Variants in PDE4D observed in about 807,000 individuals in gnomAD.
PDE4D encodes phosphodiesterase 4D.
In PDE4D, 24 loss-of-function variants were observed where a neutral mutation model predicts 87.4. The observed-to-expected ratio is 0.27, with a 90% CI of 0.20 to 0.39. The LOEUF is 0.39. PDE4D is among the 10% of genes least tolerant of loss of function. The probability of loss-of-function intolerance (pLI) is 1.00; values close to 1 mark genes in which losing one functional copy is unlikely to be tolerated. For missense variants in PDE4D, 714 were observed against 1,041.0 expected (o/e 0.69, Z 4.32); for synonymous variants, 384 against 383.2 (o/e 1.00, Z -0.02).
chr5:60,445,688 T>C (rs1401504340), intron 1 of PDE4D, among the ~76,000 whole-genome samples: 1 of 152,108 alleles, frequency 6.6e-6, no homozygotes, highest in Non-Finnish European at 1.5e-5. Context: ...AAAGTTCCAG[T>C]TATGTAAAAT....
intron 5 of PDE4D, among the ~76,000 whole-genome samples, chr5:59,143,487 G>A (rs1203954430): frequency 1.3e-5 from 2 of 152,192 alleles, no homozygotes; most frequent in African/African-American, 2.4e-5. Context: ...ACCGCTTACT[G>A]TGCATGTCCT....
chr5:60,050,943 G>A (rs1343589099), intron 2 of PDE4D, among the ~76,000 whole-genome samples: 4 of 152,076 alleles, frequency 2.6e-5, no homozygotes, highest in Non-Finnish European at 5.9e-5. Context: ...AGACAAAGAA[G>A]GGCATTACAT....
intron 1 of PDE4D, among the ~76,000 whole-genome samples, chr5:59,406,395 T>TTCCCC (rs1791654270): frequency 1.8e-4 from 6 of 33,228 alleles, no homozygotes; most frequent in African/African-American, 2.5e-4. Flanking sequence ...TATCTTTCCT[T>TTCCCC]CCCCCCCCCC....
At chr5:59,476,565 T>C (rs1803318141) in intron 1 of PDE4D, among the ~76,000 whole-genome samples, 1 of 152,114 alleles carries the variant, frequency 6.6e-6, no homozygotes, top group Admixed American at 6.6e-5. Flanking sequence ...ACTCCCACTG[T>C]AATTATTCTC....
intron 1 of PDE4D, among the ~76,000 whole-genome samples, chr5:60,276,956 G>C (rs954875988): frequency 5.3e-5 from 8 of 151,736 alleles, no homozygotes; most frequent in African/African-American, 1.7e-4. Flanking sequence ...GTTGCTTCTA[G>C]ACAGCATATA....
chr5:59,719,287 C>A (rs1755487281), intron 1 of PDE4D, among the ~76,000 whole-genome samples: 1 of 152,046 alleles, frequency 6.6e-6, no homozygotes, highest in African/African-American at 2.4e-5. Flanking sequence ...TTCAAGCTAC[C>A]AATGTGATGG....
Position 60,411,966 on chromosome 5 carries a change from C to A in PDE4D, c.-90+75976G>T, listed in dbSNP as rs920301594. 6.0e-4 allele frequency among the ~76,000 whole-genome samples: 92 copies of A among 152,142 alleles called. 2 individuals carry two copies. Among genetic ancestry groups the A allele is most frequent in the African/African-American group, 2.1e-3 (88 of 41,524 alleles). On this transcript the variant is annotated intron_variant, in intron 1 of 16. Coordinates refer to the PDE4D transcript ENST00000502484. The stretch of plus-strand genomic sequence containing the variant: ...AAGATTCCCCATGCCAAATTATATT[C>A]AAAAAGATTAATATTTTAAGTCACT...
chr5:60,463,346 C>T (rs1214004964), intron 1 of PDE4D, among the ~76,000 whole-genome samples: 2 of 151,994 alleles, frequency 1.3e-5, no homozygotes, highest in South Asian at 2.1e-4. Flanking sequence ...TATCTCATAG[C>T]TCTTGCACAA....
At chr5:59,718,005 C>T (rs1755274123) in intron 1 of PDE4D, among the ~76,000 whole-genome samples, 1 of 152,200 alleles carries the variant, frequency 6.6e-6, no homozygotes, top group Non-Finnish European at 1.5e-5. Context: ...CCATAACCCA[C>T]TCTGATTCAG....
intron 1 of PDE4D, among the ~76,000 whole-genome samples, chr5:60,434,785 A>G (rs1744634056): frequency 6.6e-6 from 1 of 152,106 alleles, no homozygotes; most frequent in African/African-American, 2.4e-5. Context: ...GAAAAAATCA[A>G]GGTACAAAAA....
chr5:60,410,062 C>T (rs1741916391), intron 1 of PDE4D, among the ~76,000 whole-genome samples: 1 of 152,112 alleles, frequency 6.6e-6, no homozygotes, highest in African/African-American at 2.4e-5. Context: ...CAGAGGGAGG[C>T]CTCGATGTTT....
rs374255947 is a variant in PDE4D at position 59,387,553 on chromosome 5, G to A, written c.456-171585C>T. On this transcript the variant is annotated intron_variant, in intron 1 of 14. Transcript: ENST00000340635. ...CTAATAGTTCCATTGTATTTCCATAGTTAGGGTGGCGTATGGTTAGGATTC... is the reference window on the plus strand; with the variant it reads ...CTAATAGTTCCATTGTATTTCCATAATTAGGGTGGCGTATGGTTAGGATTC... Among the ~76,000 whole-genome samples the A allele has an allele frequency of 1.2e-4, 19 of 152,192 alleles. No individual in the cohort carries two copies. In the East Asian group the frequency reaches 3.3e-3, roughly 26 times the overall value.
chr5:60,455,963 G>A (rs1746436928), intron 1 of PDE4D, among the ~76,000 whole-genome samples: 1 of 152,084 alleles, frequency 6.6e-6, no homozygotes, highest in African/African-American at 2.4e-5. Context: ...CCAGCCAGTA[G>A]CCCACTCCCT....
At chr5:60,436,042 T>C (rs1439051394) in intron 1 of PDE4D, among the ~76,000 whole-genome samples, 1 of 152,076 alleles carries the variant, frequency 6.6e-6, no homozygotes, top group East Asian at 1.9e-4. Context: ...TCAGAGTAGA[T>C]AATGAAACTC....
At position 59,711,251 on chromosome 5, in the gene PDE4D, T is replaced by C. The variant is rs1754155429; in HGVS notation, c.455+181917A>G. On this transcript the variant is annotated intron_variant, in intron 1 of 14. Coordinates refer to ENST00000340635, the MANE Select transcript of PDE4D (RefSeq NM_001104631.2). ...TGACATATCACACTTCCAGGGAATT[T>C]TTGTTGATATAAGACCATTATTTTG... 1.3e-5 allele frequency among the ~76,000 whole-genome samples: 2 copies of C among 152,168 alleles called. 1 individual carries two copies. Among genetic ancestry groups the C allele is most frequent in the Admixed American group, 1.3e-4 (2 of 15,274 alleles).
intron 2 of PDE4D, among the ~76,000 whole-genome samples, chr5:60,046,316 G>C (rs1769243027): frequency 6.6e-6 from 1 of 152,040 alleles, no homozygotes; most frequent in Non-Finnish European, 1.5e-5. Context: ...CTGCAAACAG[G>C]GACAATTTGA....
rs1391251315 is a variant in PDE4D, at chr5:59,182,595, TTAAA to T, written c.759-1955_759-1952del. On this transcript the variant is annotated intron_variant, in intron 4 of 14. Coordinates refer to ENST00000340635, the MANE Select transcript of PDE4D (RefSeq NM_001104631.2). Reference sequence around the variant, plus strand: ...CCATTGATTTTGTCTGGGAATGGTATTAAATAAATATTTTCACACTCTTCTACAG... The same window carrying T: ...CCATTGATTTTGTCTGGGAATGGTATTAAATATTTTCACACTCTTCTACAG... Among the ~76,000 whole-genome samples the T allele has an allele frequency of 4.6e-5, 7 of 152,296 alleles. No homozygotes were observed. In the East Asian group the frequency reaches 7.7e-4, roughly 17 times the overall value.
At chr5:59,057,579 A>G (rs1474598136) in intron 5 of PDE4D, among the ~76,000 whole-genome samples, 1 of 152,166 alleles carries the variant, frequency 6.6e-6, no homozygotes, top group Non-Finnish European at 1.5e-5. Flanking sequence ...ACTCTTCTCC[A>G]ACAGTCTGTT....
chr5:60,282,317 T>C (rs1178633415), intron 1 of PDE4D, among the ~76,000 whole-genome samples: 1 of 151,160 alleles, frequency 6.6e-6, no homozygotes, highest in Non-Finnish European at 1.5e-5. Context: ...ATCTGGAATA[T>C]GCTACATTTG....
Sources: allele counts gnomAD v4.1 joint callset (sites outside exome capture counted in the v4.1 genomes callset), GRCh38; gene constraint gnomAD v4.1.1; transcripts MANE v1.5; gene names NCBI Gene and HGNC (gene_info 2026-07-23, HGNC 2026-07-21).